The following PHF21B variants were observed in gnomAD, a reference collection of about 807,000 sequenced individuals.
PHF21B encodes the protein PHD finger protein 4.
Under a neutral mutation model 62.2 loss-of-function variants are expected in PHF21B, and 22 were observed. That is an observed-to-expected ratio of 0.35 (90% confidence interval 0.25 to 0.51). PHF21B has a LOEUF of 0.51. PHF21B is among the 20% of genes least tolerant of loss of function. The pLI is 0.97. For synonymous variants in PHF21B, 341 were observed against 314.7 expected (o/e 1.08, Z -0.88); for missense variants, 701 against 707.9 (o/e 0.99, Z 0.11).
chr22:44,917,579 T>C (rs1005549717), intron 3 of PHF21B, among the ~76,000 whole-genome samples: 2 of 152,172 alleles, frequency 1.3e-5, no homozygotes, highest in Non-Finnish European at 1.5e-5. Context: ...TGAACCCCGC[T>C]GCGCTCGCAC....
At position 44,983,264 on chromosome 22, in the gene PHF21B, G is replaced by A. The variant is rs115731147; in HGVS notation, c.120+25281C>T. Among the ~76,000 whole-genome samples the A allele has an allele frequency of 6.1e-3, 931 of 151,512 alleles. 11 individuals carry two copies. The highest frequency in any genetic ancestry group is 0.02 in the African/African-American group (832 of 41,342). On this transcript the variant is annotated intron_variant, in intron 2 of 12. Coordinates refer to ENST00000313237, the MANE Select transcript of PHF21B (RefSeq NM_138415.5). The stretch of plus-strand genomic sequence containing the variant: ...AAAAAAAAAAAAAAGGCAAAACCGG[G>A]GGAAATCTAGTGAATGACCTAAAAC...
intron 5 of PHF21B, among the ~76,000 whole-genome samples, chr22:44,899,344 G>A (rs1166550993): frequency 7.4e-6 from 1 of 135,258 alleles, no homozygotes; most frequent in Non-Finnish European, 1.5e-5. Context: ...AGCCTGGAGT[G>A]CAGTGGCATG....
chr22:44,885,435 T>G lies in PHF21B; in HGVS notation c.1368A>C (p.Ser456=), dbSNP rs1381108263. 1.9e-6 allele frequency: 3 copies of G among 1,578,198 alleles called. No individual in the cohort carries two copies. The African/African-American group carries it at 4.0e-5, about 21-fold the overall frequency. ...AGGCCCCGGGGCACACCTGCACTGC[T>G]GACGCCAGCCGCCGGTCCCGCTCCT... is the stretch of plus-strand genomic sequence containing the variant. ...QLEERDRRLA[S]AVQKCLELKT... The change falls in exon 12 of 13, where the codon TCA becomes TCC. Residue 456 remains serine (S), a synonymous_variant. Coordinates refer to ENST00000313237, the MANE Select transcript of PHF21B (RefSeq NM_138415.5).
chr22:44,885,298 C>T (rs1437196335), intron 12 of PHF21B, 128 bp downstream of exon 12: 3 of 820,018 alleles, frequency 3.7e-6, no homozygotes, highest in Non-Finnish European at 5.5e-6. Context: ...CAGGCCCTGG[C>T]TCCTTCCTGC....
chr22:44,953,443 T>TCC (rs2072233681), intron 2 of PHF21B, among the ~76,000 whole-genome samples: 1 of 152,168 alleles, frequency 6.6e-6, no homozygotes, highest in East Asian at 1.9e-4. Flanking sequence ...CACCGCTAAT[T>TCC]TTCCACGTTC....
At chr22:44,906,764 G>GC (rs141437689) in intron 5 of PHF21B, among the ~76,000 whole-genome samples, 3,458 of 152,288 alleles carry the variant, frequency 0.023, 131 homozygotes, top group African/African-American at 0.079. Flanking sequence ...TGTAATTCCT[G>GC]CCCCCCGCTA....
intron 3 of PHF21B, among the ~76,000 whole-genome samples, chr22:44,918,235 G>A (rs1450535335): frequency 6.6e-6 from 1 of 152,276 alleles, no homozygotes; most frequent in African/African-American, 2.4e-5. Flanking sequence ...CCCATGTGGT[G>A]GTCAGTGAGG....
intron 12 of PHF21B, 123 bp from the exon 13 acceptor site, chr22:44,883,427 C>G: frequency 1.1e-6 from 1 of 891,752 alleles, no homozygotes; most frequent in Non-Finnish European, 1.7e-6. Context: ...AGGCTGAGGG[C>G]TTCACAAAAA....
chr22:44,938,105 C>T (rs1311025331), intron 2 of PHF21B, among the ~76,000 whole-genome samples: 1 of 152,252 alleles, frequency 6.6e-6, no homozygotes, highest in South Asian at 2.1e-4. Context: ...GACAGAGTCT[C>T]GCTGTGTCAC....
chr22:45,004,596 T>C (rs1471647594), intron 2 of PHF21B, among the ~76,000 whole-genome samples: 1 of 152,228 alleles, frequency 6.6e-6, no homozygotes, highest in Non-Finnish European at 1.5e-5. Flanking sequence ...GAGATTAAAA[T>C]GTACCTTTCT....
chr22:44,949,936 C>T (rs1275652753), intron 2 of PHF21B, among the ~76,000 whole-genome samples: 2 of 152,164 alleles, frequency 1.3e-5, no homozygotes, highest in South Asian at 2.1e-4. Context: ...GCTTCCAAAA[C>T]GCTGTTAAGT....
rs1022914063 is a variant in PHF21B, at chr22:44,930,815, A to AC, written c.121-10326dup. Among the ~76,000 whole-genome samples the AC allele has an allele frequency of 1.9e-3, 282 of 152,216 alleles. 1 individual carries two copies. Among genetic ancestry groups the AC allele is most frequent in the African/African-American group, 6.1e-3 (255 of 41,536 alleles). On this transcript the variant is annotated intron_variant, in intron 2 of 12. Transcript: ENST00000313237. ...TGAAAGGGCAGGGCGCAAGGGCGGCACCCCCCAACCCCGAGGTACTGAGGC... is the reference window on the plus strand; with the variant it reads ...TGAAAGGGCAGGGCGCAAGGGCGGCACCCCCCCAACCCCGAGGTACTGAGGC...
intron 2 of PHF21B, among the ~76,000 whole-genome samples, chr22:45,005,947 T>G (rs1191780145): frequency 6.6e-6 from 1 of 152,132 alleles, no homozygotes; most frequent in Non-Finnish European, 1.5e-5. Flanking sequence ...AGAGGCCTCT[T>G]CAAAACCCTA....
chr22:44,919,259 C>G (rs1226066923), intron 3 of PHF21B, among the ~76,000 whole-genome samples: 1 of 152,230 alleles, frequency 6.6e-6, no homozygotes, highest in Admixed American at 6.5e-5. Flanking sequence ...TGTCTGTCCT[C>G]CCTCTAGACC....
At chr22:44,971,363 T>TA (rs946248712) in intron 2 of PHF21B, 20 of 152,328 alleles carry the variant, frequency 1.3e-4, no homozygotes, top group African/African-American at 4.6e-4. Flanking sequence ...GATAAAGCAT[T>TA]GGTGCCTGGT....
rs550840937 is a variant in PHF21B, at chr22:44,929,308, A to G, written c.121-8818T>C. The stretch of plus-strand genomic sequence containing the variant: ...TGGTTCCACGGGCCGCTGCTGCTGC[A>G]TGAGAATGTGCTTAGGCTTGGCCTT... On this transcript the variant is annotated intron_variant, in intron 2 of 12. Coordinates refer to ENST00000313237, the MANE Select transcript of PHF21B (RefSeq NM_138415.5). Among the ~76,000 whole-genome samples the G allele has an allele frequency of 2.0e-5, 3 of 152,294 alleles. No individual in the cohort carries two copies. The South Asian group carries it at 6.2e-4, about 32-fold the overall frequency.
chr22:44,916,239 C>T lies in PHF21B; in HGVS notation c.564+41G>A, dbSNP rs374548547. 61 of 1,568,268 alleles carry T rather than the reference C, an allele frequency of 3.9e-5. No individual in the cohort carries two copies. The African/African-American group carries it at 4.3e-4, about 11-fold the overall frequency. On this transcript the variant is annotated intron_variant, in intron 4 of 12. Transcript: ENST00000313237. Reference sequence around the variant, plus strand: ...ATGATTGCTCTCGGCCTCCTGTATGCGGCCGCACACCCTTTCCGGAGCCTG... The same window carrying T: ...ATGATTGCTCTCGGCCTCCTGTATGTGGCCGCACACCCTTTCCGGAGCCTG...
At chr22:44,974,157 T>C (rs1207078113) in intron 2 of PHF21B, among the ~76,000 whole-genome samples, 5 of 152,224 alleles carry the variant, frequency 3.3e-5, no homozygotes, top group South Asian at 2.1e-4. Flanking sequence ...CTCACGTCTG[T>C]AATCCCAACA....
intron 11 of PHF21B, 152 bp from the exon 12 acceptor site, chr22:44,885,681 C>T: frequency 9.9e-7 from 1 of 1,008,526 alleles, no homozygotes; most frequent in African/African-American, 1.6e-5. Context: ...GGACCTGGAG[C>T]CACTCTCCCC....
Sources: gnomAD v4.1 joint callset for allele counts (sites outside exome capture counted in the v4.1 genomes callset) on GRCh38, gnomAD v4.1.1 for gene constraint, MANE v1.5 for transcripts, NCBI Gene and HGNC (gene_info 2026-07-23, HGNC 2026-07-21) for gene names.